THOP1: variants seen among roughly 807,000 people sequenced by gnomAD.
THOP1 encodes the protein thimet oligopeptidase 1.
Under a neutral mutation model 71.8 loss-of-function variants are expected in THOP1, and 49 were observed. The ratio of observed to expected loss-of-function variants is 0.68; its 90% CI spans 0.54 to 0.87. The LOEUF is 0.87. THOP1 is among the 40% of genes least tolerant of loss of function. The pLI, the probability that THOP1 is intolerant of heterozygous loss-of-function variation, is 0.00. For missense variants in THOP1, 843 were observed against 975.6 expected (o/e 0.86, Z 1.81); for synonymous variants, 426 against 421.5 (o/e 1.01, Z -0.13).
At chr19:2,787,457 C>G (rs1038201271) in intron 1 of THOP1, among the ~76,000 whole-genome samples, 2 of 152,194 alleles carry the variant, frequency 1.3e-5, no homozygotes, top group Non-Finnish European at 2.9e-5. Flanking sequence ...ATCCTAACTC[C>G]TGCAGGAGAA....
intron 1 of THOP1, among the ~76,000 whole-genome samples, chr19:2,786,181 A>G (rs945750601): frequency 6.6e-6 from 1 of 152,018 alleles, no homozygotes. Flanking sequence ...AAGACCGGGG[A>G]AGGAGGCGTC....
rs1915851448 is a variant in THOP1, at chr19:2,790,555, G to A, written c.151G>A (p.Val51Ile). Residue 51 changes from valine (V) to isoleucine (I), a missense_variant, in exon 2 of 13, where the codon GTT (valine) becomes ATT (isoleucine). Transcript: ENST00000307741. ...GCAGACCAAGCGCGTGTATGACCAGGTTGGCACCCAGGAGTTTGAGGACGT... is the reference window on the plus strand; with the variant it reads ...GCAGACCAAGCGCGTGTATGACCAGATTGGCACCCAGGAGTTTGAGGACGT... ...IEQTKRVYDQ[V>I]GTQEFEDVSY... 2 of 1,607,396 alleles carry A rather than the reference G, an allele frequency of 1.2e-6. No individual in the cohort carries two copies. Among genetic ancestry groups the A allele is most frequent in the African/African-American group, 1.3e-5 (1 of 74,692 alleles).
chr19:2,802,830 C>T (rs1353475405), intron 5 of THOP1, among the ~76,000 whole-genome samples: 2 of 152,210 alleles, frequency 1.3e-5, no homozygotes, highest in Admixed American at 6.5e-5. Flanking sequence ...TGTTTCTGTC[C>T]GTGTGCATGA....
rs1024882297 is a variant in THOP1, at chr19:2,808,226, G to A, written c.1254-17G>A. On this transcript the variant is annotated splice_polypyrimidine_tract_variant and intron_variant, in intron 8 of 12. Transcript: ENST00000307741. ...GTCTCTAGTCCCTGCGGGGCCTGAC[G>A]CTGCCTCCCTCCCCAGGGAAGGAAA... 6.5e-6 allele frequency: 10 copies of A among 1,545,338 alleles called. No individual in the cohort carries two copies. The highest frequency in any genetic ancestry group is 1.4e-5 in the African/African-American group (1 of 73,054).
chr19:2,807,726 C>T lies in THOP1; in HGVS notation c.1171C>T (p.His391Tyr), dbSNP rs1568325094. 6.3e-7 allele frequency: 1 copy of T among 1,596,168 alleles called. No individual in the cohort carries two copies. The highest frequency in any genetic ancestry group is 1.3e-5 in the African/African-American group (1 of 74,562). Reference sequence around the variant, plus strand: ...CCACGAGGAGGGCGCCAGTGCCTGGCATGAGGACGTGCGGCTCTACACCGC... The same window carrying T: ...CCACGAGGAGGGCGCCAGTGCCTGGTATGAGGACGTGCGGCTCTACACCGC... ...FHHEEGASAW[H>Y]EDVRLYTARD... The change falls in exon 8 of 13, where the codon CAT becomes TAT. Residue 391 changes from histidine to tyrosine, a missense_variant. Transcript: ENST00000307741.
intron 5 of THOP1, among the ~76,000 whole-genome samples, chr19:2,803,838 A>G (rs1916218068): frequency 6.6e-6 from 1 of 151,524 alleles, no homozygotes; most frequent in Admixed American, 6.6e-5. Context: ...AATTTCCCCC[A>G]TCTGCCTCTG....
At chr19:2,796,900 CAG>C (rs994329872) in intron 4 of THOP1, among the ~76,000 whole-genome samples, 1 of 152,190 alleles carries the variant, frequency 6.6e-6, no homozygotes, top group Non-Finnish European at 1.5e-5. Context: ...GTGGGCGTCT[CAG>C]GGGTGACATG....
chr19:2,799,814 C>A (rs761136095), intron 5 of THOP1, 23 bp downstream of exon 5: 1 of 1,601,170 alleles, frequency 6.2e-7, no homozygotes, highest in African/African-American at 1.3e-5. Context: ...CAGTGGGGCA[C>A]GGGTGGCCAT....
At chr19:2,803,677 C>T (rs1372221147) in intron 5 of THOP1, among the ~76,000 whole-genome samples, 3 of 152,290 alleles carry the variant, frequency 2.0e-5, no homozygotes, top group East Asian at 1.9e-4. Context: ...GTGCAGGTCC[C>T]GGGAGGCCTC....
At chr19:2,799,617 C>T (rs945061836) in intron 4 of THOP1, 72 bp from the exon 5 acceptor site, 1 of 1,261,248 alleles carries the variant, frequency 7.9e-7, no homozygotes. Context: ...CGAGAGGGTT[C>T]CCAGGCGTTG....
chr19:2,812,272 C>T (rs755953569), intron 12 of THOP1: 27 of 1,535,272 alleles, frequency 1.8e-5, no homozygotes, highest in East Asian at 9.8e-5. Context: ...GACCCAGGCT[C>T]GGGACAGCCG....
In THOP1 at chr19:2,811,789, CTGGGGA is replaced by C. The variant is rs1568327311; in HGVS notation, c.1908+56_1908+61del. ...TCCTGAACGGCAAGGTACGCGGGGA[CTGGGGA>C]CAGGGAGGGCGTCCTGAATGGCAAG... On this transcript the variant is annotated intron_variant, in intron 12 of 12. Coordinates refer to ENST00000307741, the MANE Select transcript of THOP1 (RefSeq NM_003249.5). 375 of 1,546,802 alleles carry C rather than the reference CTGGGGA, an allele frequency of 2.4e-4. 10 individuals carry two copies. Among genetic ancestry groups the C allele is most frequent in the African/African-American group, 2.3e-3 (151 of 65,036 alleles).
At chr19:2,808,125 G>A (rs1599531188) in intron 8 of THOP1, 118 bp from the exon 9 acceptor site, 1 of 1,187,128 alleles carries the variant, frequency 8.4e-7, no homozygotes, top group South Asian at 1.4e-5. Flanking sequence ...GGGAGGTTTA[G>A]AACCTCAGAG....
In THOP1 at chr19:2,799,688, G is replaced by T; in HGVS notation, c.487-1G>T. ...CCCTCACGCCCCGCCTTTCTCTCCA[G>T]AACATCAAACGCATCAAGAAGAAGC... is the stretch of plus-strand genomic sequence containing the variant. On this transcript the variant is annotated splice_acceptor_variant, in intron 4 of 12. Coordinates refer to ENST00000307741, the MANE Select transcript of THOP1 (RefSeq NM_003249.5). LOFTEE classifies it high-confidence loss of function. The T allele has an allele frequency of 1.2e-6, 2 of 1,612,402 alleles. No homozygotes were observed. The highest frequency in any genetic ancestry group is 2.2e-5 in the South Asian group (2 of 91,016).
chr19:2,807,909 A>C, intron 8 of THOP1, 101 bp downstream of exon 8: 1 of 1,324,278 alleles, frequency 7.6e-7, no homozygotes, highest in Non-Finnish European at 9.9e-7. Flanking sequence ...TGCCTGCTCC[A>C]TGGGGCCTCG....
intron 1 of THOP1, among the ~76,000 whole-genome samples, chr19:2,789,386 C>A (rs548368287): frequency 1.3e-5 from 2 of 152,346 alleles, no homozygotes; most frequent in South Asian, 4.1e-4. Context: ...CTGCCAGGAG[C>A]CCCCGCCTGC....
At chr19:2,813,029 C>G in intron 12 of THOP1, 86 bp from the exon 13 acceptor site, 5 of 1,455,634 alleles carry the variant, frequency 3.4e-6, no homozygotes, top group Non-Finnish European at 4.6e-6. Context: ...CCGAGGCCCC[C>G]CTGGGCGAGG....
At chr19:2,795,414 T>A (rs948980618) in intron 3 of THOP1, among the ~76,000 whole-genome samples, 14 of 152,230 alleles carry the variant, frequency 9.2e-5, no homozygotes, top group Non-Finnish European at 1.9e-4. Context: ...GCCTTTGCTG[T>A]TGATGTCACA....
At chr19:2,795,359 C>T (rs996203400) in intron 3 of THOP1, among the ~76,000 whole-genome samples, 5 of 152,260 alleles carry the variant, frequency 3.3e-5, no homozygotes, top group Admixed American at 6.5e-5. Context: ...GGCATGGCTG[C>T]GTGGGCTCCT....
Sources: allele counts gnomAD v4.1 joint callset (sites outside exome capture counted in the v4.1 genomes callset), GRCh38; gene constraint gnomAD v4.1.1; transcripts MANE v1.5; gene names NCBI Gene and HGNC (gene_info 2026-07-23, HGNC 2026-07-21).